LIPA: variants seen among roughly 807,000 people sequenced by gnomAD.
LIPA encodes lysosomal acid lipase/cholesteryl ester hydrolase.
LIPA carries 26 observed loss-of-function variants against 40.6 expected under a neutral mutation model. The observed-to-expected ratio is 0.64, with a 90% CI of 0.47 to 0.89. LIPA has a LOEUF of 0.89. Among genes scored for constraint, LIPA ranks in the 40% least tolerant of loss-of-function variants. The pLI, the probability that LIPA is intolerant of heterozygous loss-of-function variation, is 0.00. For synonymous variants in LIPA, 188 were observed against 168.4 expected (o/e 1.12, Z -0.90); for missense variants, 455 against 479.6 (o/e 0.95, Z 0.48).
chr10:89,248,215 G>A (rs1395570033), intron 1 of LIPA, among the ~76,000 whole-genome samples: 2 of 150,646 alleles, frequency 1.3e-5, no homozygotes, highest in African/African-American at 4.9e-5. Context: ...AGGCTGGAGT[G>A]CAGTGGCACA....
At chr10:89,264,713 G>A (rs1158348811) in intron 1 of LIPA, among the ~76,000 whole-genome samples, 2 of 152,218 alleles carry the variant, frequency 1.3e-5, no homozygotes, top group African/African-American at 4.8e-5. Flanking sequence ...AGTGTATGCT[G>A]ATTGGTCCAT....
chr10:89,241,082 G>A (rs1020075441), intron 3 of LIPA, among the ~76,000 whole-genome samples: 2 of 152,184 alleles, frequency 1.3e-5, no homozygotes, highest in Non-Finnish European at 2.9e-5. Flanking sequence ...TGGTGTGAGA[G>A]GCTGAGGAAA....
intron 1 of LIPA, among the ~76,000 whole-genome samples, chr10:89,265,695 T>A (rs562440065): frequency 9.9e-5 from 15 of 152,230 alleles, no homozygotes; most frequent in Non-Finnish European, 1.6e-4. Context: ...AAAGATGTTG[T>A]CCATGGTGCT....
upstream of LIPA, among the ~76,000 whole-genome samples, chr10:89,255,545 A>C (rs898093434): frequency 1.3e-5 from 2 of 152,248 alleles, no homozygotes; most frequent in Admixed American, 6.5e-5. Flanking sequence ...AGTCCAAGTG[A>C]GAGTTAATAA....
intron 2 of LIPA, among the ~76,000 whole-genome samples, chr10:89,389,650 T>C (rs1451882053): frequency 2.0e-5 from 3 of 152,216 alleles, no homozygotes; most frequent in African/African-American, 7.2e-5. Flanking sequence ...TTGAGACCCT[T>C]CAGCAGAAAT....
chr10:89,307,076 C>A (rs1205115323), intron 1 of LIPA: 1 of 1,613,868 alleles, frequency 6.2e-7, no homozygotes, highest in East Asian at 2.2e-5. Flanking sequence ...ACAACTGCTC[C>A]ATCTGCGGTA....
At chr10:89,245,838 A>T (rs1309502152) in intron 2 of LIPA, 45 bp from the exon 3 acceptor site, 2 of 928,408 alleles carry the variant, frequency 2.2e-6, no homozygotes, top group South Asian at 2.6e-5. Flanking sequence ...CAGAATCTGA[A>T]ACAGTCTCCC....
chr10:89,292,108 A>C (rs1394266034), intron 1 of LIPA: 1 of 152,116 alleles, frequency 6.6e-6, no homozygotes, highest in South Asian at 2.1e-4. Context: ...CAAGAAATAA[A>C]CTTCTTTTAC....
At chr10:89,334,617 C>T (rs531115843) in intron 1 of LIPA, among the ~76,000 whole-genome samples, 15 of 147,734 alleles carry the variant, frequency 1.0e-4, no homozygotes, top group Admixed American at 1.4e-4. Context: ...CTCGGCTTCC[C>T]GAGTAGCTGG....
intron 1 of LIPA, among the ~76,000 whole-genome samples, chr10:89,315,366 A>G (rs1034028114): frequency 6.6e-6 from 1 of 152,210 alleles, no homozygotes; most frequent in Non-Finnish European, 1.5e-5. Flanking sequence ...TTAGACTATA[A>G]CAACCTCTGA....
rs753553813 is a variant in LIPA, at chr10:89,214,945, G to A, written c.1083C>T (p.Thr361=). The change falls in exon 10 of 10, where the codon ACC becomes ACT. Residue 361 remains threonine (T), a synonymous_variant. Coordinates refer to ENST00000336233, the MANE Select transcript of LIPA (RefSeq NM_000235.4). ...GAATGCTCTCATGGAACACCAAGTTGGTGATCTGAGTCAGTAAGATATTGA... is the reference window on the plus strand; with the variant it reads ...GAATGCTCTCATGGAACACCAAGTTAGTGATCTGAGTCAGTAAGATATTGA... ...YDVNILLTQI[T]NLVFHESIPE... is the part of the protein sequence containing the mutation. 21 of 1,614,074 alleles carry A rather than the reference G, an allele frequency of 1.3e-5. No individual in the cohort carries two copies. Among genetic ancestry groups the A allele is most frequent in the Non-Finnish European group, 1.8e-5 (21 of 1,179,940 alleles).
chr10:89,384,551 A>G, intron 2 of LIPA: 2 of 1,614,220 alleles, frequency 1.2e-6, no homozygotes, highest in Non-Finnish European at 1.7e-6. Flanking sequence ...AAAATGTCCC[A>G]TTCCAGGGAA....
chr10:89,373,242 G>A (rs1844102574), intron 2 of LIPA, among the ~76,000 whole-genome samples: 2 of 151,040 alleles, frequency 1.3e-5, no homozygotes, highest in African/African-American at 4.9e-5. Context: ...GGCTGAGGCA[G>A]GAGAATGGCG....
Position 89,414,007 on chromosome 10 carries a change from A to G in LIPA, c.-72+400T>C, listed in dbSNP as rs55746543. Among the ~76,000 whole-genome samples the G allele has an allele frequency of 9.6e-3, 1,462 of 152,346 alleles. 23 individuals carry two copies. Among genetic ancestry groups the G allele is most frequent in the African/African-American group, 0.034 (1,395 of 41,580 alleles). On this transcript the variant is annotated intron_variant, in intron 1 of 8. Transcript: ENST00000371837. ...TTTGACATTTTCTGCCTAGATCCCC[A>G]ATACCACTCTTGTCTTTATTGGGTC... is the stretch of plus-strand genomic sequence containing the variant.
At chr10:89,384,029 A>G in intron 2 of LIPA, 1 of 1,614,250 alleles carries the variant, frequency 6.2e-7, no homozygotes, top group African/African-American at 1.3e-5. Flanking sequence ...GGAGAAAAGT[A>G]CATTGAAGAA....
chr10:89,375,506 C>G (rs537424887), intron 2 of LIPA, among the ~76,000 whole-genome samples: 2 of 152,112 alleles, frequency 1.3e-5, no homozygotes, highest in Non-Finnish European at 2.9e-5. Flanking sequence ...GTACACAACC[C>G]CAAAATAAAC....
At chr10:89,228,812 A>G (rs948895694) in intron 3 of LIPA, among the ~76,000 whole-genome samples, 9 of 152,256 alleles carry the variant, frequency 5.9e-5, no homozygotes, top group African/African-American at 1.7e-4. Flanking sequence ...AGACATCACT[A>G]TACACGTATC....
At chr10:89,414,004 C>T (rs533345645) in intron 1 of LIPA, among the ~76,000 whole-genome samples, 1 of 152,252 alleles carries the variant, frequency 6.6e-6, no homozygotes, top group Admixed American at 6.5e-5. Context: ...TGCCTAGATC[C>T]CCAATACCAC....
upstream of LIPA, chr10:89,342,827 A>G (rs1376974207): frequency 6.6e-6 from 1 of 152,298 alleles, no homozygotes; most frequent in Non-Finnish European, 1.5e-5. Context: ...TGTGTCCCGG[A>G]GCAGTTGGGC....
Sources: allele counts gnomAD v4.1 joint callset (sites outside exome capture counted in the v4.1 genomes callset), GRCh38; gene constraint gnomAD v4.1.1; transcripts MANE v1.5; gene names NCBI Gene and HGNC (gene_info 2026-07-23, HGNC 2026-07-21).